The following SEMA6D variants were observed in gnomAD, a reference collection of about 807,000 sequenced individuals.
The protein encoded by SEMA6D is semaphorin 6D.
SEMA6D carries 35 observed loss-of-function variants against 106.6 expected under a neutral mutation model. The observed-to-expected ratio is 0.33, with a 90% CI of 0.25 to 0.44. The LOEUF (loss-of-function observed/expected upper bound fraction) is 0.44, where lower values mean the gene tolerates loss of function less well. SEMA6D is among the 20% of genes least tolerant of loss of function. The probability of loss-of-function intolerance (pLI) is 1.00; values close to 1 mark genes in which losing one functional copy is unlikely to be tolerated. For synonymous variants in SEMA6D, 499 were observed against 487.7 expected (o/e 1.02, Z -0.31); for missense variants, 1,185 against 1,345.9 (o/e 0.88, Z 1.87).
At chr15:47,756,229 A>G (rs1042555124) in intron 1 of SEMA6D, among the ~76,000 whole-genome samples, 1 of 152,124 alleles carries the variant, frequency 6.6e-6, no homozygotes, top group East Asian at 1.9e-4. Context: ...AGGCCTGTAC[A>G]TCTGTGAAGG....
intron 1 of SEMA6D, among the ~76,000 whole-genome samples, chr15:47,745,073 G>T (rs552413577): frequency 6.6e-6 from 1 of 152,142 alleles, no homozygotes; most frequent in South Asian, 2.1e-4. Context: ...TTTGGGATAA[G>T]ATTAACATCC....
chr15:47,440,871 A>G (rs980820852), intron 2 of SEMA6D, among the ~76,000 whole-genome samples: 17 of 152,130 alleles, frequency 1.1e-4, no homozygotes, highest in African/African-American at 4.1e-4. Flanking sequence ...ACACATTTTT[A>G]TGGAATCTGC....
intron 4 of SEMA6D, among the ~76,000 whole-genome samples, chr15:47,613,804 G>A (rs886075859): frequency 3.3e-5 from 5 of 151,968 alleles, no homozygotes; most frequent in South Asian, 4.1e-4. Context: ...ACAGGCGCCC[G>A]CCACCACGCC....
At chr15:47,687,005 G>A (rs1238724989) in intron 4 of SEMA6D, among the ~76,000 whole-genome samples, 1 of 149,158 alleles carries the variant, frequency 6.7e-6, no homozygotes, top group Non-Finnish European at 1.5e-5. Context: ...TTTTGAGGCT[G>A]TAGGGAGCTA....
At chr15:47,664,515 A>G (rs992819455) in intron 4 of SEMA6D, among the ~76,000 whole-genome samples, 4 of 152,228 alleles carry the variant, frequency 2.6e-5, no homozygotes, top group African/African-American at 7.2e-5. Context: ...ACAGTATTCA[A>G]AAAGCATGCA....
chr15:47,401,898 T>A (rs956477457), intron 1 of SEMA6D, among the ~76,000 whole-genome samples: 1 of 152,240 alleles, frequency 6.6e-6, no homozygotes, highest in Non-Finnish European at 1.5e-5. Context: ...TAAAATATTG[T>A]CTTCCCCACT....
chr15:47,544,852 G>T (rs2045468349), intron 3 of SEMA6D, among the ~76,000 whole-genome samples: 1 of 152,008 alleles, frequency 6.6e-6, no homozygotes, highest in South Asian at 2.1e-4. Context: ...CCTAAAGCAA[G>T]TATTTTTTAA....
chr15:47,413,734 T>C (rs1435977854), intron 2 of SEMA6D, among the ~76,000 whole-genome samples: 4 of 152,166 alleles, frequency 2.6e-5, no homozygotes. Flanking sequence ...CCTCTTGCCT[T>C]GGTCTCCCAA....
At chr15:47,540,374 A>T (rs868495725) in intron 3 of SEMA6D, among the ~76,000 whole-genome samples, 1 of 152,160 alleles carries the variant, frequency 6.6e-6, no homozygotes, top group Admixed American at 6.6e-5. Context: ...TAGCATTTCA[A>T]AATTAGCAAG....
chr15:47,673,511 G>C (rs1013153010), intron 4 of SEMA6D, among the ~76,000 whole-genome samples: 15 of 152,124 alleles, frequency 9.9e-5, no homozygotes, highest in Non-Finnish European at 1.9e-4. Flanking sequence ...CAGAATGACC[G>C]GGCAGGTCCA....
chr15:47,283,190 C>T (rs1359540072), intron 1 of SEMA6D, among the ~76,000 whole-genome samples: 1 of 152,114 alleles, frequency 6.6e-6, no homozygotes, highest in African/African-American at 2.4e-5. Context: ...TTCCTAAGCC[C>T]TCTAAACCCC....
intron 3 of SEMA6D, among the ~76,000 whole-genome samples, chr15:47,518,078 G>T (rs1439976439): frequency 6.6e-6 from 1 of 152,180 alleles, no homozygotes; most frequent in East Asian, 1.9e-4. Flanking sequence ...TGTTGATAAT[G>T]ATAGAGAGAT....
intron 2 of SEMA6D, among the ~76,000 whole-genome samples, chr15:47,421,402 G>A (rs1001728483): frequency 6.6e-6 from 1 of 152,138 alleles, no homozygotes; most frequent in Non-Finnish European, 1.5e-5. Flanking sequence ...GGGTTGCTAT[G>A]TTTAACTACC....
intron 3 of SEMA6D, among the ~76,000 whole-genome samples, chr15:47,521,436 G>C (rs951753774): frequency 6.6e-6 from 1 of 152,070 alleles, no homozygotes; most frequent in Non-Finnish European, 1.5e-5. Context: ...AACTCCTCTC[G>C]GATCTGACTA....
chr15:47,545,936 G>A (rs1026844812), intron 3 of SEMA6D, among the ~76,000 whole-genome samples: 1 of 152,094 alleles, frequency 6.6e-6, no homozygotes, highest in Non-Finnish European at 1.5e-5. Context: ...TCTCTAGACA[G>A]GAAGCAGAAA....
chr15:47,253,970 CTT>C (rs1216560740), intron 1 of SEMA6D, among the ~76,000 whole-genome samples: 1 of 152,048 alleles, frequency 6.6e-6, no homozygotes, highest in East Asian at 1.9e-4. Context: ...GATATTAATT[CTT>C]TCAATCATTG....
intron 1 of SEMA6D, among the ~76,000 whole-genome samples, chr15:47,738,618 T>A (rs1432013313): frequency 6.6e-6 from 1 of 152,228 alleles, no homozygotes; most frequent in Non-Finnish European, 1.5e-5. Context: ...CTCTGACAGC[T>A]AATTTCAATC....
chr15:47,185,903 G>T (rs182159479), intron 1 of SEMA6D: 25 of 152,172 alleles, frequency 1.6e-4, no homozygotes, highest in African/African-American at 5.8e-4. Context: ...TTCTTTTTCT[G>T]AGGTCCGTGG....
chr15:47,194,131 A>T (rs1894171511), intron 1 of SEMA6D, among the ~76,000 whole-genome samples: 1 of 151,738 alleles, frequency 6.6e-6, no homozygotes, highest in African/African-American at 2.4e-5. Context: ...GGATGGGTGG[A>T]TGGATGATAG....
Sources: gnomAD v4.1 joint callset for allele counts (sites outside exome capture counted in the v4.1 genomes callset) on GRCh38, gnomAD v4.1.1 for gene constraint, MANE v1.5 for transcripts, NCBI Gene and HGNC (gene_info 2026-07-23, HGNC 2026-07-21) for gene names.